The following CHM variants were observed in gnomAD, a reference collection of about 807,000 sequenced individuals.
CHM encodes rab proteins geranylgeranyltransferase component A 1.
CHM carries 10 observed loss-of-function variants against 49.0 expected under a neutral mutation model. That is an observed-to-expected ratio of 0.20 (90% CI 0.13 to 0.35). The LOEUF (loss-of-function observed/expected upper bound fraction) is 0.35, where lower values mean the gene tolerates loss of function less well. Among genes scored for constraint, CHM ranks in the 10% least tolerant of loss-of-function variants. CHM has a pLI of 1.00. For synonymous variants in CHM, 184 were observed against 167.5 expected (o/e 1.10, Z -0.76); for missense variants, 455 against 478.4 (o/e 0.95, Z 0.46).
chrX:85,951,360 C>T (rs912852961), intron 8 of CHM, among the ~76,000 whole-genome samples: 3 of 110,623 alleles, frequency 2.7e-5, no homozygotes, highest in Non-Finnish European at 5.7e-5. Context: ...GTAAAACTTG[C>T]CCAAAGTTAC....
At chrX:85,973,223 C>T (rs1239222054) in intron 4 of CHM, among the ~76,000 whole-genome samples, 2 of 92,724 alleles carry the variant, frequency 2.2e-5, no homozygotes, top group Non-Finnish European at 4.1e-5. Context: ...CACCTGAACC[C>T]GGGAGGCAGA....
chrX:85,930,181 G>A (rs1425710026), intron 8 of CHM, among the ~76,000 whole-genome samples: 4 of 112,122 alleles, frequency 3.6e-5, no homozygotes, highest in African/African-American at 1.3e-4. Flanking sequence ...GCCTTAAAGT[G>A]TGTCTGTGTA....
chrX:86,020,774 G>C (rs1486251233), intron 2 of CHM, among the ~76,000 whole-genome samples: 1 of 103,020 alleles, frequency 9.7e-6, no homozygotes, highest in African/African-American at 3.5e-5. Flanking sequence ...TCATTCACCT[G>C]TAGCGGCAGA....
intron 2 of CHM, among the ~76,000 whole-genome samples, chrX:86,000,266 C>A (rs1420704378): frequency 3.9e-5 from 1 of 25,867 alleles, no homozygotes; most frequent in Non-Finnish European, 6.5e-5. Flanking sequence ...AGTAAGTCTT[C>A]CTGAAAAAAA....
chrX:85,947,146 A>G (rs1929462619), intron 8 of CHM, among the ~76,000 whole-genome samples: 1 of 112,266 alleles, frequency 8.9e-6, no homozygotes, highest in African/African-American at 3.2e-5. Flanking sequence ...ATGAGTTAAG[A>G]TTTTGGTGGG....
At chrX:85,919,268 T>C (rs772186036) in intron 8 of CHM, among the ~76,000 whole-genome samples, 4 of 111,679 alleles carry the variant, frequency 3.6e-5, no homozygotes, top group Non-Finnish European at 7.5e-5. Flanking sequence ...GTTAAAAATA[T>C]ATAAAACAAT....
intron 12 of CHM, among the ~76,000 whole-genome samples, chrX:85,888,803 T>G (rs1925259917): frequency 8.9e-6 from 1 of 112,167 alleles, no homozygotes; most frequent in Non-Finnish European, 1.9e-5. Context: ...CTACCAAGCA[T>G]CACTGAAAAA....
chrX:85,876,486 A>T (rs775710506), intron 13 of CHM, among the ~76,000 whole-genome samples: 1 of 111,805 alleles, frequency 8.9e-6, no homozygotes, highest in East Asian at 2.8e-4. Flanking sequence ...ATTGCTCATA[A>T]AGTTCCTTCT....
At position 85,873,085 on chromosome X, in the gene CHM, A is replaced by G. The variant is rs756159060; in HGVS notation, c.1737T>C (p.Asp579=). ...PSNVYVCSGP[D]CGLGNDNAVK... ...CTGCATTATCATTTCCTAAACCACA[A>G]TCTGGGCCAGAGCAGACATAAACGT... Residue 579 remains aspartate (D), a synonymous_variant, in exon 14 of 15, where the codon GAT becomes GAC. Transcript: ENST00000357749. 23 of 1,206,792 alleles carry G rather than the reference A, an allele frequency of 1.9e-5. No individual in the cohort carries two copies. In the Middle Eastern group the frequency reaches 1.1e-3, roughly 60 times the overall value.
chrX:85,864,863 T>C (rs1016437671), intron 14 of CHM, 42 bp from the exon 15 acceptor site: 2 of 1,129,545 alleles, frequency 1.8e-6, no homozygotes, highest in African/African-American at 3.6e-5. Context: ...TGGAAATCGG[T>C]TTAAAATGTG....
chrX:85,927,382 G>A (rs979231353), intron 8 of CHM, among the ~76,000 whole-genome samples: 1 of 111,584 alleles, frequency 9.0e-6, no homozygotes, highest in African/African-American at 3.3e-5. Flanking sequence ...CAGCAGCAAG[G>A]AATTTCCCAT....
At chrX:86,010,354 TAA>T (rs746894699) in intron 2 of CHM, among the ~76,000 whole-genome samples, 5 of 89,271 alleles carry the variant, frequency 5.6e-5, no homozygotes, top group Non-Finnish European at 6.8e-5. Context: ...AAAGGATAAT[TAA>T]AAAAAAAAAA....
At chrX:85,889,604 G>A (rs1317559633) in intron 12 of CHM, among the ~76,000 whole-genome samples, 2 of 112,184 alleles carry the variant, frequency 1.8e-5, no homozygotes, top group Admixed American at 9.4e-5. Context: ...ACTGTTGGCA[G>A]GAATGTGAAT....
intron 4 of CHM, among the ~76,000 whole-genome samples, chrX:85,975,229 T>G (rs1931187568): frequency 8.9e-6 from 1 of 112,238 alleles, no homozygotes; most frequent in Non-Finnish European, 1.9e-5. Flanking sequence ...GAAACAGCTC[T>G]GCAGTTTCTT....
At chrX:85,988,371 A>G (rs1227357792) in intron 2 of CHM, among the ~76,000 whole-genome samples, 2 of 111,711 alleles carry the variant, frequency 1.8e-5, no homozygotes, top group Non-Finnish European at 3.8e-5. Context: ...TAATAAGAAC[A>G]ATCTATGACA....
chrX:85,910,937 G>C (rs1926890896), intron 9 of CHM, among the ~76,000 whole-genome samples: 1 of 102,211 alleles, frequency 9.8e-6, no homozygotes, highest in African/African-American at 3.6e-5. Context: ...GGAGCTATAG[G>C]CATATTGCAG....
At chrX:86,034,896 T>C (rs773165878) in intron 1 of CHM, among the ~76,000 whole-genome samples, 15 of 112,445 alleles carry the variant, frequency 1.3e-4, no homozygotes, top group African/African-American at 4.5e-4. Flanking sequence ...AGGCACTCAC[T>C]GGAAGCTTGG....
chrX:85,925,919 A>G lies in CHM; in HGVS notation c.1167-14581T>C, dbSNP rs188498241. On this transcript the variant is annotated intron_variant, in intron 8 of 14. Transcript: ENST00000357749. The stretch of plus-strand genomic sequence containing the variant: ...ATCTCTTTCATGGGTTGAAAAATGT[A>G]CAGAGACCATCTTCTTAGAAACACG... Among the ~76,000 whole-genome samples, 3 of 111,131 alleles carry G rather than the reference A, an allele frequency of 2.7e-5. No homozygotes were observed. The Admixed American group carries it at 2.9e-4, about 11-fold the overall frequency.
chrX:85,895,143 T>G (rs771457637), intron 11 of CHM, among the ~76,000 whole-genome samples: 29 of 99,971 alleles, frequency 2.9e-4, no homozygotes, highest in Admixed American at 1.3e-3. Context: ...TTTGTTTTTT[T>G]TTTTTTTTTT....
Sources: allele counts gnomAD v4.1 joint callset (sites outside exome capture counted in the v4.1 genomes callset), GRCh38; gene constraint gnomAD v4.1.1; transcripts MANE v1.5; gene names NCBI Gene and HGNC (gene_info 2026-07-23, HGNC 2026-07-21).